Variants in OR4D9 observed in about 807,000 individuals in gnomAD.
OR4D9 encodes the protein olfactory receptor family 4 subfamily D member 9, also known as olfactory receptor 4D9.
In OR4D9, 2 loss-of-function variants were observed where a neutral mutation model predicts 0.8. The ratio of observed to expected loss-of-function variants is 2.58; its 90% CI spans 1.06 to 8.13. The LOEUF (loss-of-function observed/expected upper bound fraction) is 8.13. Ranked by LOEUF, OR4D9 falls within the 30% of genes most tolerant of loss-of-function variation. OR4D9 has a pLI of 0.04. For missense variants in OR4D9, 399 were observed against 384.7 expected, an observed-to-expected ratio of 1.04 and a Z score of -0.31; for synonymous variants, 146 against 151.2, an observed-to-expected ratio of 0.97 and a Z score of 0.25.
rs529087934 is a variant in OR4D9, at chr11:59,519,909, T to C, written c.*4052T>C. The C allele has an allele frequency of 7.2e-5, 11 of 152,316 alleles. No homozygotes were observed. Among genetic ancestry groups the C allele is most frequent in the African/African-American group, 2.6e-4 (11 of 41,572 alleles). The allele number at this position is 152,316 out of a possible 1,614,324, so 9.4% of individuals were successfully genotyped here. A position where few individuals can be genotyped will look rare whatever the true frequency, so the allele number is the denominator to read the frequency against. The stretch of plus-strand genomic sequence containing the variant: ...TGAATTCATGTGCTTTACAGTAACA[T>C]GGATGCAGCTGGAGGCCGTGATCCT... On this transcript the variant is annotated 3_prime_UTR_variant, in exon 3 of 3. Transcript: ENST00000641962.
In OR4D9 at chr11:59,515,448, G is replaced by A. The variant is rs749527793; in HGVS notation, c.536G>A (p.Cys179Tyr). 1 of 1,614,058 alleles carries A rather than the reference G, an allele frequency of 6.2e-7. No individual in the cohort carries two copies. Among genetic ancestry groups the A allele is most frequent in the African/African-American group, 1.3e-5 (1 of 74,994 alleles). Residue 179 changes from cysteine to tyrosine, a missense_variant, in exon 3 of 3, where the codon TGC becomes TAC. Cys to Tyr is a radical substitution (Grantham distance 194). Transcript: ENST00000641962. ...CGPNVLDTFY[C>Y]DVPQVLKLAC... is the part of the protein sequence containing the mutation. ...CCCAATGTTCTTGACACTTTCTACT[G>A]CGATGTCCCCCAGGTCCTCAAACTT...
rs2134588419 is a variant in OR4D9 at position 59,517,639 on chromosome 11, G to A, written c.*1782G>A. 1 of 152,330 alleles carries A rather than the reference G, an allele frequency of 6.6e-6. No individual in the cohort carries two copies. The highest frequency in any genetic ancestry group is 1.5e-5 in the Non-Finnish European group (1 of 68,038). 9.4% of individuals were successfully genotyped at this position (152,330 alleles called of 1,614,324 possible). A position where few individuals can be genotyped will look rare whatever the true frequency, so the allele number is the denominator to read the frequency against. ...GAGGTTAGGAGATCGAGGCCAGCTT[G>A]ACCAACATGGTGAAACCCCATTTCT... On this transcript the variant is annotated 3_prime_UTR_variant, in exon 3 of 3. Coordinates refer to ENST00000641962, the MANE Select transcript of OR4D9 (RefSeq NM_001004711.2).
In OR4D9 at chr11:59,519,363, A is replaced by G. The variant is rs1466695044; in HGVS notation, c.*3506A>G. On this transcript the variant is annotated 3_prime_UTR_variant, in exon 3 of 3. Transcript: ENST00000641962. ...AGTGAGACCCTGTCTCAAAAAAAAA[A>G]AAAGAAAAAGTTTGCTGGAAAGGCA... 6.6e-6 allele frequency: 1 copy of G among 152,286 alleles called. No homozygotes were observed. Among genetic ancestry groups the G allele is most frequent in the Non-Finnish European group, 1.5e-5 (1 of 68,168 alleles). The allele number at this position is 152,286 out of a possible 1,614,324, so 9.4% of individuals were successfully genotyped here.
intron 1 of OR4D9, among the ~76,000 whole-genome samples, chr11:59,512,672 A>G (rs1292008987): frequency 9.8e-5 from 1 of 10,170 alleles, no homozygotes; most frequent in East Asian, 2.6e-3. Flanking sequence ...TAAAAATACA[A>G]AAAAAAAAAA....
In OR4D9 at chr11:59,515,722, CA is replaced by C. The variant is rs766726127; in HGVS notation, c.811del (p.Ile271SerfsTer15). 2.3e-5 allele frequency: 37 copies of C among 1,614,120 alleles called. No homozygotes were observed. The highest frequency in any genetic ancestry group is 2.9e-5 in the Non-Finnish European group (34 of 1,180,030). ...TCACTGCCCTCCCCACAGACACTGC[CA>C]TCTCTGTCACCTTCACTGTCATCTC... ...PFTALPTDTA[I>X]SVTFTVISPL... On this transcript the variant is annotated frameshift_variant, in exon 3 of 3. Coordinates refer to ENST00000641962, the MANE Select transcript of OR4D9 (RefSeq NM_001004711.2). LOFTEE classifies it high-confidence loss of function.
rs760412501 is a variant in OR4D9 at position 59,515,471 on chromosome 11, C to A, written c.559C>A (p.Leu187Ile). 6.2e-7 allele frequency: 1 copy of A among 1,614,180 alleles called. No individual in the cohort carries two copies. The highest frequency in any genetic ancestry group is 1.1e-5 in the South Asian group (1 of 91,068). ...CTGCGATGTCCCCCAGGTCCTCAAACTTGCCTGCACTGACACCTTCACTCT... is the reference window on the plus strand; with the variant it reads ...CTGCGATGTCCCCCAGGTCCTCAAAATTGCCTGCACTGACACCTTCACTCT... The part of the protein sequence containing the change: ...FYCDVPQVLK[L>I]ACTDTFTLEL... Residue 187 changes from leucine to isoleucine, a missense_variant, in exon 3 of 3, where the codon CTT (leucine) becomes ATT (isoleucine). Leu to Ile is a conservative substitution (Grantham distance 5). Transcript: ENST00000641962.
chr11:59,513,509 G>A (rs879885298), intron 1 of OR4D9, among the ~76,000 whole-genome samples: 6 of 152,160 alleles, frequency 3.9e-5, no homozygotes, highest in Non-Finnish European at 8.8e-5. Context: ...ATGTTTGTGG[G>A]ATTCTCTTAT....
chr11:59,515,485 C>T lies in OR4D9; in HGVS notation c.573C>T (p.Asp191=), dbSNP rs368235205. Residue 191 remains aspartate, a synonymous_variant, in exon 3 of 3, where the codon GAC becomes GAT. Transcript: ENST00000641962. ...VPQVLKLACT[D]TFTLELLMIS... ...AGGTCCTCAAACTTGCCTGCACTGA[C>T]ACCTTCACTCTGGAGCTCCTGATGA... 9 of 1,614,060 alleles carry T rather than the reference C, an allele frequency of 5.6e-6. No individual in the cohort carries two copies. The highest frequency in any genetic ancestry group is 1.1e-5 in the South Asian group (1 of 91,070).
At position 59,515,360 on chromosome 11, in the gene OR4D9, G is replaced by GT. The variant is rs1466323673; in HGVS notation, c.449dup (p.Phe153LeufsTer23). The GT allele has an allele frequency of 6.2e-7, 1 of 1,613,980 alleles. No individual in the cohort carries two copies. The highest frequency in any genetic ancestry group is 1.1e-5 in the South Asian group (1 of 91,060). On this transcript the variant is annotated frameshift_variant, in exon 3 of 3. Coordinates refer to ENST00000641962, the MANE Select transcript of OR4D9 (RefSeq NM_001004711.2). LOFTEE classifies it low-confidence loss of function (END_TRUNC). ...CACAGGCCTCATCGTGGCTTCCTGGGTGGGGGGCTTTGTCCACTCCATAGC... is the reference window on the plus strand; with the variant it reads ...CACAGGCCTCATCGTGGCTTCCTGGGTTGGGGGGCTTTGTCCACTCCATAGC...
At position 59,520,066 on chromosome 11, in the gene OR4D9, G is replaced by C. The variant is rs1312600342; in HGVS notation, c.*4209G>C. 1 of 152,054 alleles carries C rather than the reference G, an allele frequency of 6.6e-6. No individual in the cohort carries two copies. The highest frequency in any genetic ancestry group is 1.5e-5 in the Non-Finnish European group (1 of 68,020). The allele number at this position is 152,054 out of a possible 1,614,324, so 9.4% of individuals were successfully genotyped here. ...CTGAGGCCTACTTGAGGGGAGGAGGGTGGGAAGAGTGTGAGGTCAGAAAAC... is the reference window on the plus strand; with the variant it reads ...CTGAGGCCTACTTGAGGGGAGGAGGCTGGGAAGAGTGTGAGGTCAGAAAAC... On this transcript the variant is annotated 3_prime_UTR_variant, in exon 3 of 3. Coordinates refer to ENST00000641962, the MANE Select transcript of OR4D9 (RefSeq NM_001004711.2).
chr11:59,514,715 A>G lies in OR4D9; in HGVS notation c.-82A>G. The G allele has an allele frequency of 4.0e-6, 2 of 500,464 alleles. No homozygotes were observed. Among genetic ancestry groups the G allele is most frequent in the South Asian group, 7.7e-5 (2 of 26,110 alleles). The allele number at this position is 500,464 out of a possible 1,614,324, so 31.0% of individuals were successfully genotyped here. On this transcript the variant is annotated 5_prime_UTR_variant, in exon 2 of 3. Coordinates refer to ENST00000641962, the MANE Select transcript of OR4D9 (RefSeq NM_001004711.2). ...CTTTGTCTCCTGGGATGACTGAATC[A>G]AAAACCTGGGTAATCTTTCATCCAG... is the stretch of plus-strand genomic sequence containing the variant.
chr11:59,514,656 T>A lies in OR4D9; in HGVS notation c.-124-17T>A. On this transcript the variant is annotated splice_polypyrimidine_tract_variant and intron_variant, in intron 1 of 2. Transcript: ENST00000641962. Reference sequence around the variant, plus strand: ...GTACAATTGAATAGATTCACGGACTTGCAACCTCTGTTTCAGCAGCAGCAG... The same window carrying A: ...GTACAATTGAATAGATTCACGGACTAGCAACCTCTGTTTCAGCAGCAGCAG... The A allele has an allele frequency of 2.6e-6, 1 of 386,910 alleles. No homozygotes were observed. Among genetic ancestry groups the A allele is most frequent in the East Asian group, 4.0e-5 (1 of 24,904 alleles). The allele number at this position is 386,910 out of a possible 1,614,324, so 24.0% of individuals were successfully genotyped here. A position where few individuals can be genotyped will look rare whatever the true frequency, so the allele number is the denominator to read the frequency against.
In OR4D9 at chr11:59,520,695, C is replaced by T. The variant is rs1460962041; in HGVS notation, c.*4838C>T. 1 of 151,460 alleles carries T rather than the reference C, an allele frequency of 6.6e-6. No individual in the cohort carries two copies. The highest frequency in any genetic ancestry group is 1.5e-5 in the Non-Finnish European group (1 of 67,928). 9.4% of individuals were successfully genotyped at this position (151,460 alleles called of 1,614,324 possible). A position where few individuals can be genotyped will look rare whatever the true frequency, so the allele number is the denominator to read the frequency against. On this transcript the variant is annotated 3_prime_UTR_variant, in exon 3 of 3. Transcript: ENST00000641962. ...TTTCTTTTCCTTGCAATGATTGTTA[C>T]AATGTGCTTTGGACAAGGCAATTTT...
rs556677530 is a variant in OR4D9 at position 59,513,161 on chromosome 11, G to A, written c.-125+1415G>A. On this transcript the variant is annotated intron_variant, in intron 1 of 2. Coordinates refer to ENST00000641962, the MANE Select transcript of OR4D9 (RefSeq NM_001004711.2). The stretch of plus-strand genomic sequence containing the variant: ...ATGATCTCAGCTCATGACAACCTCC[G>A]TCTCCTGTGTTCAAGTGATTCTCCT... 1.5e-4 allele frequency among the ~76,000 whole-genome samples: 23 copies of A among 151,936 alleles called. 1 individual carries two copies. Among genetic ancestry groups the A allele is most frequent in the Admixed American group, 1.1e-3 (17 of 15,240 alleles).
chr11:59,515,240 G>A lies in OR4D9; in HGVS notation c.328G>A (p.Ala110Thr), dbSNP rs375108505. ...GTTCTTCTTCCACCTTCTGGGGGGA[G>A]CAGACGTTTTTTCTCTCTCTGTGAT... ...QMFFFHLLGG[A>T]DVFSLSVMAF... Residue 110 changes from alanine to threonine, a missense_variant, in exon 3 of 3, where the codon GCA (alanine) becomes ACA (threonine). By Grantham distance (58) the Ala-to-Thr change is moderately conservative. Transcript: ENST00000641962. The A allele has an allele frequency of 2.2e-5, 35 of 1,613,466 alleles. No individual in the cohort carries two copies. Among genetic ancestry groups the A allele is most frequent in the Admixed American group, 3.3e-5 (2 of 59,868 alleles).
intron 1 of OR4D9, 74 bp downstream of exon 1, chr11:59,511,820 T>C (rs946254370): frequency 5.3e-5 from 8 of 152,180 alleles, no homozygotes; most frequent in Non-Finnish European, 1.5e-5. Flanking sequence ...GGCTTGGCTG[T>C]GTTTTACTTG....
At position 59,520,632 on chromosome 11, in the gene OR4D9, T is replaced by G. The variant is rs1859465589; in HGVS notation, c.*4775T>G. 1 of 152,070 alleles carries G rather than the reference T, an allele frequency of 6.6e-6. No individual in the cohort carries two copies. Among genetic ancestry groups the G allele is most frequent in the African/African-American group, 2.4e-5 (1 of 41,416 alleles). 9.4% of individuals were successfully genotyped at this position (152,070 alleles called of 1,614,324 possible). On this transcript the variant is annotated 3_prime_UTR_variant, in exon 3 of 3. Coordinates refer to ENST00000641962, the MANE Select transcript of OR4D9 (RefSeq NM_001004711.2). Reference sequence around the variant, plus strand: ...TAATAATAACAAAAAAAAGAAAAGATAAATGAAGTCAATTGAGGAGATAAT... The same window carrying G: ...TAATAATAACAAAAAAAAGAAAAGAGAAATGAAGTCAATTGAGGAGATAAT...
chr11:59,512,895 C>A (rs1048253255), intron 1 of OR4D9, among the ~76,000 whole-genome samples: 1 of 151,998 alleles, frequency 6.6e-6, no homozygotes, highest in East Asian at 1.9e-4. Context: ...ACTATAACCA[C>A]GTAACTATAA....
In OR4D9 at chr11:59,515,647, C is replaced by T. The variant is rs368696851; in HGVS notation, c.735C>T (p.Thr245=). The T allele has an allele frequency of 2.4e-4, 391 of 1,614,036 alleles. No individual in the cohort carries two copies. The highest frequency in any genetic ancestry group is 3.1e-4 in the Non-Finnish European group (368 of 1,180,030). The change falls in exon 3 of 3, where the codon ACC becomes ACT. Residue 245 remains threonine (T), a synonymous_variant. Coordinates refer to ENST00000641962, the MANE Select transcript of OR4D9 (RefSeq NM_001004711.2). The part of the protein sequence containing the change: ...KAISTCTSHI[T]VVTLHFVPCI... ...TCTCCACCTGCACCTCCCACATCAC[C>T]GTGGTGACCCTGCATTTCGTGCCCT... is the stretch of plus-strand genomic sequence containing the variant.
Sources: allele counts gnomAD v4.1 joint callset (sites outside exome capture counted in the v4.1 genomes callset), GRCh38; gene constraint gnomAD v4.1.1; transcripts MANE v1.5; gene names NCBI Gene and HGNC (gene_info 2026-07-23, HGNC 2026-07-21).